The following CALHM5 variants were observed in gnomAD, a reference collection of about 807,000 sequenced individuals.
The protein encoded by CALHM5 is calcium homeostasis modulator protein 5.
CALHM5 carries 17 observed loss-of-function variants against 20.9 expected under a neutral mutation model. That is an observed-to-expected ratio of 0.82 (90% CI 0.56 to 1.22). CALHM5 has a LOEUF of 1.22. Among genes scored for constraint, CALHM5 ranks in the 50% most tolerant of loss-of-function variants. The pLI is 0.00. For missense variants in CALHM5, 360 were observed against 364.6 expected (o/e 0.99, Z 0.10); for synonymous variants, 148 against 140.0 (o/e 1.06, Z -0.40).
In CALHM5 at chr6:116,524,421, C is replaced by T. The variant is rs1246227319; in HGVS notation, c.*8432C>T. ...TAGTATCATTCTCAGCAAAGGCTCACAGGAATGCTATTCTCTGAATTCTTA... is the reference window on the plus strand; with the variant it reads ...TAGTATCATTCTCAGCAAAGGCTCATAGGAATGCTATTCTCTGAATTCTTA... On this transcript the variant is annotated 3_prime_UTR_variant, in exon 2 of 2. Coordinates refer to ENST00000368599, the MANE Select transcript of CALHM5 (RefSeq NM_153711.5). The T allele has an allele frequency of 1.3e-5, 2 of 152,318 alleles. No individual in the cohort carries two copies. Among genetic ancestry groups the T allele is most frequent in the African/African-American group, 4.8e-5 (2 of 41,570 alleles). 9.4% of individuals were successfully genotyped at this position (152,318 alleles called of 1,614,324 possible).
rs1390969463 is a variant in CALHM5 at position 116,517,858 on chromosome 6, T to C, written c.*1869T>C. The C allele has an allele frequency of 6.6e-6, 1 of 152,106 alleles. No homozygotes were observed. Among genetic ancestry groups the C allele is most frequent in the Non-Finnish European group, 1.5e-5 (1 of 68,016 alleles). 9.4% of individuals were successfully genotyped at this position (152,106 alleles called of 1,614,324 possible). On this transcript the variant is annotated 3_prime_UTR_variant, in exon 2 of 2. Coordinates refer to ENST00000368599, the MANE Select transcript of CALHM5 (RefSeq NM_153711.5). ...GAAGAGGGGCTGAAGGTTGAGTCGA[T>C]CACAAATGGATAATGATTTAATCAA...
chr6:116,514,715 G>A (rs1004081214), intron 1 of CALHM5, among the ~76,000 whole-genome samples: 2 of 152,166 alleles, frequency 1.3e-5, no homozygotes, highest in Non-Finnish European at 2.9e-5. Flanking sequence ...CAAAGGTTGG[G>A]AACCACTGAT....
chr6:116,512,445 C>T (rs986813016), intron 1 of CALHM5: 36 of 545,450 alleles, frequency 6.6e-5, no homozygotes, highest in Middle Eastern at 4.9e-4. Context: ...ATCTCTTTTC[C>T]GGTTCTGAAA....
rs994747984 is a variant in CALHM5, at chr6:116,516,901, G to C, written c.*912G>C. ...GCCGTGGGTATGTCTTAGTGCGTTT[G>C]GGCTACTATAACAAAATATCATAGA... On this transcript the variant is annotated 3_prime_UTR_variant, in exon 2 of 2. Transcript: ENST00000368599. 1.3e-5 allele frequency: 2 copies of C among 151,826 alleles called. No individual in the cohort carries two copies. Among genetic ancestry groups the C allele is most frequent in the African/African-American group, 4.8e-5 (2 of 41,268 alleles). The allele number at this position is 151,826 out of a possible 1,614,324, so 9.4% of individuals were successfully genotyped here. A position where few individuals can be genotyped will look rare whatever the true frequency, so the allele number is the denominator to read the frequency against.
In CALHM5 at chr6:116,523,522, A is replaced by G. The variant is rs1006110546; in HGVS notation, c.*7533A>G. On this transcript the variant is annotated 3_prime_UTR_variant, in exon 2 of 2. Transcript: ENST00000368599. Reference sequence around the variant, plus strand: ...AGAATTTGAAAGTAAACATTTTGCAACCTTTGATGACAAAATGGATCTAGA... The same window carrying G: ...AGAATTTGAAAGTAAACATTTTGCAGCCTTTGATGACAAAATGGATCTAGA... 6.6e-6 allele frequency: 1 copy of G among 152,092 alleles called. No homozygotes were observed. Among genetic ancestry groups the G allele is most frequent in the African/African-American group, 2.4e-5 (1 of 41,382 alleles). The allele number at this position is 152,092 out of a possible 1,614,324, so 9.4% of individuals were successfully genotyped here.
rs1391768947 is a variant in CALHM5, at chr6:116,516,595, T to G, written c.*606T>G. 6.7e-6 allele frequency: 1 copy of G among 149,670 alleles called. No homozygotes were observed. 9.3% of individuals were successfully genotyped at this position (149,670 alleles called of 1,614,324 possible). On this transcript the variant is annotated 3_prime_UTR_variant, in exon 2 of 2. Transcript: ENST00000368599. ...CCCTGGAAGCAGGGCTGCATCATAA[T>G]TTTTGTGGGCTTTATGTACTTTTGC... is the stretch of plus-strand genomic sequence containing the variant.
chr6:116,513,343 C>A (rs1772161976), intron 1 of CALHM5, among the ~76,000 whole-genome samples: 1 of 152,130 alleles, frequency 6.6e-6, no homozygotes, highest in South Asian at 2.1e-4. Context: ...TAAAGCACAT[C>A]TTAGATAAAA....
chr6:116,515,925 T>A lies in CALHM5; in HGVS notation c.866T>A (p.Leu289Gln). The change falls in exon 2 of 2, where the codon CTG (leucine) becomes CAG (glutamine). Residue 289 changes from leucine (L) to glutamine (Q), a missense_variant. Physicochemically the swap from Leu to Gln is moderately radical, Grantham distance 113. Coordinates refer to ENST00000368599, the MANE Select transcript of CALHM5 (RefSeq NM_153711.5). The part of the protein sequence containing the change: ...STLHRVVDNG[L>Q]QLSPEDDETT... ...CTCCACAGAGTGGTGGACAATGGTC[T>A]GCAACTTAGCCCTGAGGATGATGAG... 1 of 1,613,696 alleles carries A rather than the reference T, an allele frequency of 6.2e-7. No homozygotes were observed. Among genetic ancestry groups the A allele is most frequent in the Non-Finnish European group, 8.5e-7 (1 of 1,179,722 alleles).
In CALHM5 at chr6:116,519,949, A is replaced by C. The variant is rs1237068070; in HGVS notation, c.*3960A>C. ...CATATCAAATATAAAGTGGGAGAAA[A>C]AAAGGTATGTAACAAAGATTACAAA... On this transcript the variant is annotated 3_prime_UTR_variant, in exon 2 of 2. Transcript: ENST00000368599. The C allele has an allele frequency of 6.6e-6, 1 of 152,222 alleles. No individual in the cohort carries two copies. Among genetic ancestry groups the C allele is most frequent in the Non-Finnish European group, 1.5e-5 (1 of 68,042 alleles). 9.4% of individuals were successfully genotyped at this position (152,222 alleles called of 1,614,324 possible).
At chr6:116,514,686 A>C (rs542614089) in intron 1 of CALHM5, among the ~76,000 whole-genome samples, 13 of 152,332 alleles carry the variant, frequency 8.5e-5, no homozygotes, top group African/African-American at 3.1e-4. Flanking sequence ...GACCCTTCAC[A>C]AACACTCTAT....
rs1772310419 is a variant in CALHM5 at position 116,520,388 on chromosome 6, T to A, written c.*4399T>A. On this transcript the variant is annotated 3_prime_UTR_variant, in exon 2 of 2. Transcript: ENST00000368599. ...TCATTTTTCTCTCTTATTTTAAATA[T>A]CCCCTGTTGTACAAGCCAGAGGATA... is the stretch of plus-strand genomic sequence containing the variant. 1 of 152,214 alleles carries A rather than the reference T, an allele frequency of 6.6e-6. No homozygotes were observed. Among genetic ancestry groups the A allele is most frequent in the African/African-American group, 2.4e-5 (1 of 41,462 alleles). 9.4% of individuals were successfully genotyped at this position (152,214 alleles called of 1,614,324 possible).
Position 116,515,885 on chromosome 6 carries a change from CA to C in CALHM5, c.828del (p.Gln276HisfsTer45), listed in dbSNP as rs1772214641. The C allele has an allele frequency of 6.2e-7, 1 of 1,613,842 alleles. No individual in the cohort carries two copies. The highest frequency in any genetic ancestry group is 1.7e-5 in the Admixed American group (1 of 59,962). Reference protein sequence around the residue: ...SELHSFHQSQQHYSTLHRVVD... With the variant: ...SELHSFHQSQXHYSTLHRVVD... Reference sequence around the variant, plus strand: ...GCTGCATTCTTTCCACCAAAGCCAGCAACACTATAGCACCCTCCACAGAGTG... The same window carrying C: ...GCTGCATTCTTTCCACCAAAGCCAGCACACTATAGCACCCTCCACAGAGTG... On this transcript the variant is annotated frameshift_variant, in exon 2 of 2. Coordinates refer to ENST00000368599, the MANE Select transcript of CALHM5 (RefSeq NM_153711.5). LOFTEE classifies it low-confidence loss of function (END_TRUNC).
rs1224698024 is a variant in CALHM5 at position 116,523,433 on chromosome 6, C to A, written c.*7444C>A. The A allele has an allele frequency of 6.6e-6, 1 of 152,190 alleles. No individual in the cohort carries two copies. Among genetic ancestry groups the A allele is most frequent in the Non-Finnish European group, 1.5e-5 (1 of 68,032 alleles). The allele number at this position is 152,190 out of a possible 1,614,324, so 9.4% of individuals were successfully genotyped here. Reference sequence around the variant, plus strand: ...GATTGTTGTCTGAGTACGTGAAAAGCTATTGTCTTATGCTTATTAATTTTA... The same window carrying A: ...GATTGTTGTCTGAGTACGTGAAAAGATATTGTCTTATGCTTATTAATTTTA... On this transcript the variant is annotated 3_prime_UTR_variant, in exon 2 of 2. Transcript: ENST00000368599.
At position 116,519,315 on chromosome 6, in the gene CALHM5, T is replaced by A. The variant is rs1393585258; in HGVS notation, c.*3326T>A. 7.0e-6 allele frequency: 1 copy of A among 143,356 alleles called. No homozygotes were observed. Among genetic ancestry groups the A allele is most frequent in the African/African-American group, 2.5e-5 (1 of 40,776 alleles). 8.9% of individuals were successfully genotyped at this position (143,356 alleles called of 1,614,324 possible). A position where few individuals can be genotyped will look rare whatever the true frequency, so the allele number is the denominator to read the frequency against. On this transcript the variant is annotated 3_prime_UTR_variant, in exon 2 of 2. Coordinates refer to ENST00000368599, the MANE Select transcript of CALHM5 (RefSeq NM_153711.5). ...CAATCCCAGAGGAAATTCTGGGACT[T>A]CAGCCTCAGCTTGACCTATGGGGGG...
chr6:116,515,596 T>C lies in CALHM5; in HGVS notation c.541-4T>C. On this transcript the variant is annotated splice_region_variant and splice_polypyrimidine_tract_variant and intron_variant, in intron 1 of 1. Coordinates refer to ENST00000368599, the MANE Select transcript of CALHM5 (RefSeq NM_153711.5). Reference sequence around the variant, plus strand: ...TGTGTACTCAATATTTCTTTCTTCTTAAGATTCTAGGATGGTGCCTGATTT... The same window carrying C: ...TGTGTACTCAATATTTCTTTCTTCTCAAGATTCTAGGATGGTGCCTGATTT... The C allele has an allele frequency of 6.3e-7, 1 of 1,599,394 alleles. No individual in the cohort carries two copies. The highest frequency in any genetic ancestry group is 8.5e-7 in the Non-Finnish European group (1 of 1,173,204).
Position 116,515,868 on chromosome 6 carries a change from C to T in CALHM5, c.809C>T (p.Ser270Phe), listed in dbSNP as rs1331946406. 4 of 1,613,862 alleles carry T rather than the reference C, an allele frequency of 2.5e-6. No individual in the cohort carries two copies. In the African/African-American group the frequency reaches 4.0e-5, roughly 16 times the overall value. Residue 270 changes from serine to phenylalanine, a missense_variant, in exon 2 of 2, where the codon TCT becomes TTT. Coordinates refer to ENST00000368599, the MANE Select transcript of CALHM5 (RefSeq NM_153711.5). ...AAWEAASELH[S>F]FHQSQQHYST... ...TGGGAGGCTGCTTCAGAGCTGCATTCTTTCCACCAAAGCCAGCAACACTAT... is the reference window on the plus strand; with the variant it reads ...TGGGAGGCTGCTTCAGAGCTGCATTTTTTCCACCAAAGCCAGCAACACTAT...
In CALHM5 at chr6:116,511,701, A is replaced by G. The variant is rs1488324576; in HGVS notation, c.5A>G (p.Asp2Gly). MDAFQGILKFFL... is the reference protein window; with the variant it reads MGAFQGILKFFL... ...TTCCCTCTGTGCATCTCCAACATGG[A>G]TGCTTTTCAGGGCATTTTAAAATTC... The change falls in exon 1 of 2, where the codon GAT becomes GGT. Residue 2 changes from aspartate (D) to glycine (G), a missense_variant. By Grantham distance (94) the Asp-to-Gly change is moderately conservative. Coordinates refer to ENST00000368599, the MANE Select transcript of CALHM5 (RefSeq NM_153711.5). The G allele has an allele frequency of 6.2e-7, 1 of 1,613,082 alleles. No homozygotes were observed. Among genetic ancestry groups the G allele is most frequent in the Non-Finnish European group, 8.5e-7 (1 of 1,179,516 alleles).
At position 116,511,710 on chromosome 6, in the gene CALHM5, AG is replaced by A. The variant is rs1562338931; in HGVS notation, c.17del (p.Gly6AlafsTer3). On this transcript the variant is annotated frameshift_variant, in exon 1 of 2. Transcript: ENST00000368599. LOFTEE classifies it high-confidence loss of function. Reference protein sequence around the residue: MDAFQGILKFFLNQK... With the variant: MDAFXGILKFFLNQK... ...TGCATCTCCAACATGGATGCTTTTC[AG>A]GGCATTTTAAAATTCTTCCTTAATC... 2 of 1,613,574 alleles carry A rather than the reference AG, an allele frequency of 1.2e-6. No homozygotes were observed. Among genetic ancestry groups the A allele is most frequent in the Non-Finnish European group, 1.7e-6 (2 of 1,179,806 alleles).
In CALHM5 at chr6:116,521,455, T is replaced by C. The variant is rs1397771020; in HGVS notation, c.*5466T>C. ...CAAGGGCCAATAGATAAGGAGAATATTGGTGACCCAACTCCAGGAGACAGA... is the reference window on the plus strand; with the variant it reads ...CAAGGGCCAATAGATAAGGAGAATACTGGTGACCCAACTCCAGGAGACAGA... On this transcript the variant is annotated 3_prime_UTR_variant, in exon 2 of 2. Transcript: ENST00000368599. 6.6e-6 allele frequency: 1 copy of C among 151,928 alleles called. No homozygotes were observed. The highest frequency in any genetic ancestry group is 1.5e-5 in the Non-Finnish European group (1 of 68,000). 9.4% of individuals were successfully genotyped at this position (151,928 alleles called of 1,614,324 possible). A position where few individuals can be genotyped will look rare whatever the true frequency, so the allele number is the denominator to read the frequency against.
Sources: gnomAD v4.1 joint callset for allele counts (sites outside exome capture counted in the v4.1 genomes callset) on GRCh38, gnomAD v4.1.1 for gene constraint, MANE v1.5 for transcripts, NCBI Gene and HGNC (gene_info 2026-07-23, HGNC 2026-07-21) for gene names.